GRID2: variants seen among roughly 807,000 people sequenced by gnomAD.
GRID2 encodes the protein glutamate ionotropic receptor delta type subunit 2.
Under a neutral mutation model 114.8 loss-of-function variants are expected in GRID2, and 33 were observed. The ratio of observed to expected loss-of-function variants is 0.29; its 90% CI spans 0.22 to 0.38. The LOEUF is 0.38. GRID2 is among the 10% of genes least tolerant of loss of function. The pLI, the probability that GRID2 is intolerant of heterozygous loss-of-function variation, is 1.00. For synonymous variants in GRID2, 505 were observed against 449.9 expected, an observed-to-expected ratio of 1.12 and a Z score of -1.55; for missense variants, 1,184 against 1,257.7, an observed-to-expected ratio of 0.94 and a Z score of 0.89.
chr4:92,933,501 C>T (rs1750399911), intron 2 of GRID2, among the ~76,000 whole-genome samples: 1 of 151,528 alleles, frequency 6.6e-6, no homozygotes, highest in African/African-American at 2.4e-5. Flanking sequence ...AGATTTAAGA[C>T]TTCAAAGATT....
rs150373140 is a variant in GRID2, at chr4:92,732,312, A to G, written c.244+142026A>G. Among the ~76,000 whole-genome samples the G allele has an allele frequency of 4.6e-3, 705 of 152,140 alleles. 2 individuals are homozygous for G. Among genetic ancestry groups the G allele is most frequent in the Admixed American group, 7.4e-3 (112 of 15,230 alleles). On this transcript the variant is annotated intron_variant, in intron 2 of 15. Transcript: ENST00000282020. ...CATATATGAACAGACTTTAAATTGT[A>G]TGGTTACTGATTCAGTATCATCTAA...
chr4:93,536,409 C>G (rs1732082761), intron 13 of GRID2, among the ~76,000 whole-genome samples: 1 of 151,820 alleles, frequency 6.6e-6, no homozygotes. Flanking sequence ...AATGCATATA[C>G]AGTCAACTAA....
intron 2 of GRID2, among the ~76,000 whole-genome samples, chr4:92,751,779 A>G (rs2035899552): frequency 6.6e-6 from 1 of 152,204 alleles, no homozygotes; most frequent in East Asian, 1.9e-4. Flanking sequence ...CTAGTAACTA[A>G]GCAATCTAAA....
At chr4:92,868,046 TTCTTTCTTTCTTTCTTTCTTTCTGTCTG>T (rs1196359989) in intron 2 of GRID2, among the ~76,000 whole-genome samples, 15 of 139,020 alleles carry the variant, frequency 1.1e-4, no homozygotes, top group East Asian at 6.5e-4. Context: ...CTTTCTTTCT[TTCTTTCTTTCTTTCTTTCTTTCTGTCTG>T]TCTGTCTGTC....
At chr4:92,411,655 G>GTGTGTGTGTGTGTGTATATATATATA in intron 1 of GRID2, among the ~76,000 whole-genome samples, 14 of 84,686 alleles carry the variant, frequency 1.7e-4, no homozygotes, top group African/African-American at 8.2e-4. Flanking sequence ...GTGTGTGTGT[G>GTGTGTGTGTGTGTGTATATATATATA]TATATATATA....
chr4:92,735,716 T>G (rs543094951), intron 2 of GRID2, among the ~76,000 whole-genome samples: 4 of 152,254 alleles, frequency 2.6e-5, no homozygotes, highest in African/African-American at 9.6e-5. Context: ...CTAGAAAATT[T>G]TATTTGCATG....
chr4:92,695,219 GCCTCCCAAA>G (rs1734369790), intron 2 of GRID2, among the ~76,000 whole-genome samples: 1 of 152,080 alleles, frequency 6.6e-6, no homozygotes, highest in South Asian at 2.1e-4. Flanking sequence ...ACCTGCCTCA[GCCTCCCAAA>G]GTGCTTGGAT....
At position 93,085,166 on chromosome 4, in the gene GRID2, A is replaced by G. The variant is rs1316524632; in HGVS notation, c.416A>G (p.Asn139Ser). ...TGTGGACTCACCCGGAGCAACAGGA[A>G]TGATGACTACACTCTCTCAGTTCGC... ...SGCGLTRSNR[N>S]DDYTLSVRPP... Residue 139 changes from asparagine to serine, a missense_variant, in exon 3 of 16, where the codon AAT becomes AGT. Asn to Ser is a conservative substitution (Grantham distance 46). Transcript: ENST00000282020. The G allele has an allele frequency of 1.2e-6, 2 of 1,614,062 alleles. No individual in the cohort carries two copies. The highest frequency in any genetic ancestry group is 1.7e-5 in the Admixed American group (1 of 60,018).
intron 12 of GRID2, among the ~76,000 whole-genome samples, chr4:93,490,988 G>A (rs1162487256): frequency 6.6e-6 from 1 of 151,796 alleles, no homozygotes; most frequent in Non-Finnish European, 1.5e-5. Context: ...GTAAAAATTT[G>A]GCTATGATTT....
At position 92,335,643 on chromosome 4, in the gene GRID2, A is replaced by G. The variant is rs567232719; in HGVS notation, c.88+30899A>G. Among the ~76,000 whole-genome samples, 3 of 152,360 alleles carry G rather than the reference A, an allele frequency of 2.0e-5. No homozygotes were observed. In the East Asian group the frequency reaches 5.8e-4, roughly 29 times the overall value. ...TTACTTATGCAATTAAAGGAAGTCT[A>G]AAGTATACAATAAAAAGTTATTTGT... On this transcript the variant is annotated intron_variant, in intron 1 of 15. Transcript: ENST00000282020.
intron 2 of GRID2, among the ~76,000 whole-genome samples, chr4:93,044,046 AGAC>A (rs1227593237): frequency 6.6e-6 from 1 of 152,112 alleles, no homozygotes; most frequent in Non-Finnish European, 1.5e-5. Context: ...GTATAGTAGA[AGAC>A]TACTGTCTTC....
intron 1 of GRID2, among the ~76,000 whole-genome samples, chr4:92,551,451 C>T (rs994447234): frequency 2.0e-5 from 3 of 152,164 alleles, no homozygotes; most frequent in Non-Finnish European, 4.4e-5. Flanking sequence ...TGACATTTAA[C>T]TTGTCTAAAA....
intron 11 of GRID2, among the ~76,000 whole-genome samples, chr4:93,483,785 A>G (rs551117180): frequency 6.6e-5 from 10 of 151,976 alleles, no homozygotes; most frequent in East Asian, 1.9e-4. Context: ...GAAAATAAAA[A>G]TTTTTCATGC....
At chr4:93,533,363 A>T (rs1390654075) in intron 13 of GRID2, among the ~76,000 whole-genome samples, 1 of 90,886 alleles carries the variant, frequency 1.1e-5, no homozygotes, top group African/African-American at 4.5e-5. Context: ...TCCCTTCCTT[A>T]CTTCTCTCTC....
intron 2 of GRID2, among the ~76,000 whole-genome samples, chr4:92,794,905 T>TATATATATACACAC (rs745392261): frequency 5.5e-5 from 7 of 127,808 alleles, no homozygotes; most frequent in African/African-American, 2.2e-4. Flanking sequence ...TATATATATA[T>TATATATATACACAC]ACACACACAC....
At chr4:92,513,934 A>G (rs1159477258) in intron 1 of GRID2, among the ~76,000 whole-genome samples, 1 of 151,934 alleles carries the variant, frequency 6.6e-6, no homozygotes, top group Non-Finnish European at 1.5e-5. Flanking sequence ...CAGGATTTTG[A>G]AGACGAATTG....
At chr4:93,141,829 A>T (rs62308221) in intron 4 of GRID2, among the ~76,000 whole-genome samples, 11,864 of 152,262 alleles carry the variant, frequency 0.078, 550 homozygotes, top group East Asian at 0.23. Flanking sequence ...GTGCTATAGC[A>T]TGAATATTGT....
At chr4:93,186,067 G>A (rs1156283704) in intron 4 of GRID2, among the ~76,000 whole-genome samples, 1 of 152,112 alleles carries the variant, frequency 6.6e-6, no homozygotes, top group Non-Finnish European at 1.5e-5. Context: ...CCCTGAAAAG[G>A]ACATGAACTC....
chr4:92,999,258 A>G (rs1215518314), intron 2 of GRID2, among the ~76,000 whole-genome samples: 3 of 151,874 alleles, frequency 2.0e-5, no homozygotes, highest in Non-Finnish European at 4.4e-5. Context: ...TTGTAATTGC[A>G]CCATGTATAG....
Sources: allele counts gnomAD v4.1 joint callset (sites outside exome capture counted in the v4.1 genomes callset), GRCh38; gene constraint gnomAD v4.1.1; transcripts MANE v1.5; gene names NCBI Gene and HGNC (gene_info 2026-07-23, HGNC 2026-07-21).